Variants in ACSL1 observed in about 807,000 individuals in gnomAD.
ACSL1 encodes the protein acyl-CoA synthetase long chain family member 1.
ACSL1 carries 41 observed loss-of-function variants against 98.4 expected under a neutral mutation model. The ratio of observed to expected loss-of-function variants is 0.42; its 90% confidence interval spans 0.32 to 0.54. The LOEUF (loss-of-function observed/expected upper bound fraction) is 0.54, where lower values mean the gene tolerates loss of function less well. Ranked by LOEUF, ACSL1 falls within the 20% of genes least tolerant of loss-of-function variation. ACSL1 has a pLI of 0.13. For synonymous variants in ACSL1, 316 were observed against 322.7 expected (o/e 0.98, Z 0.22); for missense variants, 734 against 883.1 (o/e 0.83, Z 2.14).
intron 1 of ACSL1, among the ~76,000 whole-genome samples, chr4:184,806,583 T>C (rs1432879433): frequency 6.6e-6 from 1 of 152,130 alleles, no homozygotes; most frequent in Non-Finnish European, 1.5e-5. Context: ...ACAAATACAG[T>C]CAGACACAGG....
At position 184,788,830 on chromosome 4, in the gene ACSL1, T is replaced by A. The variant is rs1446478913; in HGVS notation, c.196-99A>T. On this transcript the variant is annotated intron_variant, in intron 2 of 20. Transcript: ENST00000281455. ...TAATTAACATATCCATTCCTTTACATTCTTGTCACTTATCTGTAGTGAGAA... is the reference window on the plus strand; with the variant it reads ...TAATTAACATATCCATTCCTTTACAATCTTGTCACTTATCTGTAGTGAGAA... 9.4e-6 allele frequency: 8 copies of A among 850,258 alleles called. No individual in the cohort carries two copies. In the Admixed American group the frequency reaches 1.7e-4, roughly 19 times the overall value. The allele number at this position is 850,258 out of a possible 1,614,324, so 52.7% of individuals were successfully genotyped here.
chr4:184,823,215 C>T (rs1461458842), intron 1 of ACSL1, among the ~76,000 whole-genome samples: 1 of 152,218 alleles, frequency 6.6e-6, no homozygotes, highest in Non-Finnish European at 1.5e-5. Context: ...CACCGCCTGT[C>T]AGAGAGGGAG....
chr4:184,778,943 TA>T (rs11462454), intron 5 of ACSL1, among the ~76,000 whole-genome samples: 104 of 145,386 alleles, frequency 7.2e-4, no homozygotes, highest in East Asian at 1.8e-3. Flanking sequence ...TTTATTTATA[TA>T]AAAAAAAAAA....
Position 184,773,532 on chromosome 4 carries a change from G to T in ACSL1, c.841+131C>A. 1.2e-6 allele frequency: 1 copy of T among 810,422 alleles called. No individual in the cohort carries two copies. Among genetic ancestry groups the T allele is most frequent in the Non-Finnish European group, 2.0e-6 (1 of 510,314 alleles). The allele number at this position is 810,422 out of a possible 1,614,324, so 50.2% of individuals were successfully genotyped here. ...GATCTTACAGAGCAACAAGAAGACAGCACTTGAACCGCTTCCTTCTCTTCT... is the reference window on the plus strand; with the variant it reads ...GATCTTACAGAGCAACAAGAAGACATCACTTGAACCGCTTCCTTCTCTTCT... On this transcript the variant is annotated intron_variant, in intron 9 of 20. Coordinates refer to ENST00000281455, the MANE Select transcript of ACSL1 (RefSeq NM_001995.5). This position sits in a 1 kb window ranked among gnomAD's most constrained non-coding sequence, Gnocchi z 4.3.
chr4:184,780,103 C>A (rs1765985914), intron 5 of ACSL1, among the ~76,000 whole-genome samples: 1 of 152,130 alleles, frequency 6.6e-6, no homozygotes, highest in Admixed American at 6.5e-5. Context: ...AACTCCCGAC[C>A]TCTGGTGACC....
intron 3 of ACSL1, among the ~76,000 whole-genome samples, chr4:184,787,777 T>C (rs1337876554): frequency 6.6e-6 from 1 of 151,710 alleles, no homozygotes; most frequent in East Asian, 1.9e-4. Flanking sequence ...GGCAGGAGAA[T>C]CACTTGAACC....
At position 184,763,275 on chromosome 4, in the gene ACSL1, A is replaced by G. The variant is rs750654477; in HGVS notation, c.1433-20T>C. Reference sequence around the variant, plus strand: ...CATGGCCTGTATATTAAATAAGCAAATGGTCATTCCTAAGGGAACTACTCA... The same window carrying G: ...CATGGCCTGTATATTAAATAAGCAAGTGGTCATTCCTAAGGGAACTACTCA... On this transcript the variant is annotated intron_variant, in intron 15 of 20. Transcript: ENST00000281455. 2 of 1,605,814 alleles carry G rather than the reference A, an allele frequency of 1.2e-6. No homozygotes were observed. The highest frequency in any genetic ancestry group is 2.7e-5 in the African/African-American group (2 of 74,642).
At chr4:184,774,700 G>C (rs1041523344) in intron 7 of ACSL1, among the ~76,000 whole-genome samples, 2 of 152,128 alleles carry the variant, frequency 1.3e-5, no homozygotes, top group Admixed American at 1.3e-4. Flanking sequence ...GATATGGAAT[G>C]AACATGCCAT....
chr4:184,804,895 T>G (rs1771164046), intron 1 of ACSL1, among the ~76,000 whole-genome samples: 1 of 152,182 alleles, frequency 6.6e-6, no homozygotes. Flanking sequence ...GTAAAAACAC[T>G]GCCTACAAGG....
intron 1 of ACSL1, among the ~76,000 whole-genome samples, chr4:184,810,157 C>T (rs148358577): frequency 0.014 from 2,185 of 152,296 alleles, 183 homozygotes; most frequent in Admixed American, 0.14. Context: ...TTTACAGTAA[C>T]AACCAACATT....
At chr4:184,821,044 T>TA in intron 1 of ACSL1, 1 of 456,286 alleles carries the variant, frequency 2.2e-6, no homozygotes, top group Non-Finnish European at 4.4e-6. Context: ...TTGTGTACAG[T>TA]AAGGATAGCA....
chr4:184,803,340 T>A lies in ACSL1; in HGVS notation c.175A>T (p.Met59Leu), dbSNP rs1770847787. 1 of 1,604,512 alleles carries A rather than the reference T, an allele frequency of 6.2e-7. No individual in the cohort carries two copies. Residue 59 changes from methionine (M) to leucine (L), a missense_variant, in exon 2 of 21, where the codon ATG (methionine) becomes TTG (leucine). By Grantham distance (15) the Met-to-Leu change is conservative. Coordinates refer to ENST00000281455, the MANE Select transcript of ACSL1 (RefSeq NM_001995.5). The surrounding 1 kb of genome is among the most constrained non-coding windows in gnomAD (Gnocchi z 4.8). ...CTCACCGCCACTTCCACTGACTGCA[T>A]GGAGAGGTCGCATGGCGGCTTCAGG... The part of the protein sequence containing the change: ...KPLKPPCDLS[M>L]QSVEVAGSGG...
chr4:184,810,678 C>T lies in ACSL1; in HGVS notation c.-32-7132G>A, dbSNP rs141507771. Among the ~76,000 whole-genome samples the T allele has an allele frequency of 3.4e-3, 522 of 152,120 alleles. 4 individuals carry two copies. The highest frequency in any genetic ancestry group is 3.5e-3 in the Non-Finnish European group (237 of 68,000). On this transcript the variant is annotated intron_variant, in intron 1 of 20. Transcript: ENST00000281455. ...AGAAGTGCCTCCTGACCTCAGGGCT[C>T]GCACTTTCGCACATTAATCTGGAAC...
rs760809661 is a variant in ACSL1 at position 184,803,868 on chromosome 4, T to C, written c.-32-322A>G. On this transcript the variant is annotated intron_variant, in intron 1 of 20. Coordinates refer to ENST00000281455, the MANE Select transcript of ACSL1 (RefSeq NM_001995.5). The surrounding 1 kb of genome is among the most constrained non-coding windows in gnomAD (Gnocchi z 4.8). ...ACTCAAATAAGTAGATTTAAGTTTC[T>C]ATTTTCTTCTTTGCTACTACGTCTC... is the stretch of plus-strand genomic sequence containing the variant. Among the ~76,000 whole-genome samples, 17 of 152,220 alleles carry C rather than the reference T, an allele frequency of 1.1e-4. No individual in the cohort carries two copies. Among genetic ancestry groups the C allele is most frequent in the South Asian group, 4.1e-4 (2 of 4,832 alleles).
At chr4:184,811,955 C>T (rs1422574982) in intron 1 of ACSL1, among the ~76,000 whole-genome samples, 4 of 152,054 alleles carry the variant, frequency 2.6e-5, no homozygotes, top group Non-Finnish European at 5.9e-5. Flanking sequence ...GAGGAGGAGA[C>T]AGGAGGGTGA....
intron 18 of ACSL1, among the ~76,000 whole-genome samples, chr4:184,759,105 T>A (rs1762525732): frequency 6.6e-6 from 1 of 152,176 alleles, no homozygotes; most frequent in Admixed American, 6.5e-5. Flanking sequence ...TGCATAGTAT[T>A]CCATGGTGTA....
intron 2 of ACSL1, among the ~76,000 whole-genome samples, chr4:184,792,894 A>C (rs1368132612): frequency 6.6e-6 from 1 of 152,230 alleles, no homozygotes; most frequent in Non-Finnish European, 1.5e-5. Context: ...ACAAGACAGA[A>C]TCACTTCAAA....
chr4:184,764,637 A>C (rs983923541), intron 15 of ACSL1, among the ~76,000 whole-genome samples: 1 of 152,182 alleles, frequency 6.6e-6, no homozygotes, highest in Non-Finnish European at 1.5e-5. Flanking sequence ...CCAGCTTTAC[A>C]GTCAGATCCC....
rs1764895057 is a variant in ACSL1 at position 184,773,972 on chromosome 4, G to T, written c.757-97C>A. On this transcript the variant is annotated intron_variant, in intron 7 of 20. Transcript: ENST00000281455. This position sits in a 1 kb window ranked among gnomAD's most constrained non-coding sequence, Gnocchi z 4.3. ...CACTTAAAGCTGGCTTTACTGTGGG[G>T]TTCATTCACACCTGGCTCGAAAACA... The T allele has an allele frequency of 1.5e-6, 2 of 1,372,352 alleles. No homozygotes were observed. Among genetic ancestry groups the T allele is most frequent in the Non-Finnish European group, 2.1e-6 (2 of 973,600 alleles). 85.0% of individuals were successfully genotyped at this position (1,372,352 alleles called of 1,614,324 possible).
Sources: allele counts gnomAD v4.1 joint callset (sites outside exome capture counted in the v4.1 genomes callset), GRCh38; gene constraint gnomAD v4.1.1; non-coding constraint Gnocchi (gnomAD v3.1); transcripts MANE v1.5; gene names NCBI Gene and HGNC (gene_info 2026-07-23, HGNC 2026-07-21).